The following SCFD2 variants were observed in gnomAD, a reference collection of about 807,000 sequenced individuals.
The protein encoded by SCFD2 is sec1 family domain-containing protein 2.
SCFD2 carries 54 observed loss-of-function variants against 58.9 expected under a neutral mutation model. The observed-to-expected ratio is 0.92, with a 90% CI of 0.74 to 1.15. The LOEUF is 1.15. SCFD2 is among the 50% of genes most tolerant of loss of function. The pLI, the probability that SCFD2 is intolerant of heterozygous loss-of-function variation, is 0.00. For synonymous variants in SCFD2, 321 were observed against 335.9 expected (o/e 0.96, Z 0.49); for missense variants, 805 against 836.6 (o/e 0.96, Z 0.47).
intron 5 of SCFD2, among the ~76,000 whole-genome samples, chr4:53,071,531 AATC>A (rs1358135562): frequency 1.3e-5 from 2 of 152,110 alleles, no homozygotes; most frequent in Non-Finnish European, 2.9e-5. Flanking sequence ...TAATCTTCAC[AATC>A]ATCACAGAAA....
At chr4:52,990,976 G>A (rs946021798) in intron 5 of SCFD2, among the ~76,000 whole-genome samples, 1 of 152,174 alleles carries the variant, frequency 6.6e-6, no homozygotes, top group African/African-American at 2.4e-5. Flanking sequence ...GGCTGTAGGT[G>A]GACAATGTGA....
chr4:53,008,335 C>T (rs1360761511), intron 5 of SCFD2, among the ~76,000 whole-genome samples: 7 of 152,118 alleles, frequency 4.6e-5, no homozygotes, highest in Non-Finnish European at 8.8e-5. Flanking sequence ...TGACACCCCC[C>T]CTTCCCCTCT....
chr4:53,051,978 A>AG (rs1723201067), intron 5 of SCFD2, among the ~76,000 whole-genome samples: 1 of 152,186 alleles, frequency 6.6e-6, no homozygotes, highest in African/African-American at 2.4e-5. Context: ...AAGAGCCCAA[A>AG]CCTACAGGTC....
At chr4:52,936,115 G>A (rs1720131583) in intron 5 of SCFD2, among the ~76,000 whole-genome samples, 1 of 152,148 alleles carries the variant, frequency 6.6e-6, no homozygotes, top group Non-Finnish European at 1.5e-5. Context: ...GGGATTACAG[G>A]TGTGAGCCAC....
At chr4:53,350,112 G>A (rs1734170334) in intron 2 of SCFD2, among the ~76,000 whole-genome samples, 1 of 152,186 alleles carries the variant, frequency 6.6e-6, no homozygotes, top group African/African-American at 2.4e-5. Context: ...CTCTGTAAGT[G>A]TGTGCTATTA....
chr4:53,226,719 C>T (rs78856304), intron 4 of SCFD2, among the ~76,000 whole-genome samples: 20,007 of 151,894 alleles, frequency 0.13, 1,452 homozygotes, highest in East Asian at 0.23. Flanking sequence ...TTAGGGTGAT[C>T]AGTGCAAGAG....
chr4:52,941,955 T>C (rs1231154390), intron 5 of SCFD2, among the ~76,000 whole-genome samples: 2 of 152,208 alleles, frequency 1.3e-5, no homozygotes, highest in Admixed American at 1.3e-4. Flanking sequence ...TTCCTTTGAG[T>C]ATCATGCCAG....
intron 4 of SCFD2, among the ~76,000 whole-genome samples, chr4:53,264,280 G>A (rs1370493790): frequency 1.3e-5 from 2 of 152,212 alleles, no homozygotes; most frequent in Non-Finnish European, 2.9e-5. Flanking sequence ...GGAGCCTGCA[G>A]TAGTGATCCA....
intron 3 of SCFD2, among the ~76,000 whole-genome samples, chr4:53,299,186 A>C (rs1732168799): frequency 6.6e-6 from 1 of 152,194 alleles, no homozygotes; most frequent in Non-Finnish European, 1.5e-5. Flanking sequence ...CAAAGAAGTT[A>C]AAAACTTTGA....
intron 3 of SCFD2, among the ~76,000 whole-genome samples, chr4:53,282,155 T>C (rs1731527254): frequency 6.6e-6 from 1 of 152,216 alleles, no homozygotes; most frequent in Non-Finnish European, 1.5e-5. Context: ...GCAGGTTTGT[T>C]ATGAGGTTAA....
rs116138564 is a variant in SCFD2, at chr4:53,035,332, G to T, written c.1561+110001C>A. Among the ~76,000 whole-genome samples the T allele has an allele frequency of 8.7e-3, 1,324 of 152,166 alleles. 14 individuals are homozygous for T. The highest frequency in any genetic ancestry group is 0.031 in the African/African-American group (1,267 of 41,498). Reference sequence around the variant, plus strand: ...CTTAAGCAAAAATTAACTCAAGATGGATCAAAGACCTAAACATAAGACCTA... The same window carrying T: ...CTTAAGCAAAAATTAACTCAAGATGTATCAAAGACCTAAACATAAGACCTA... On this transcript the variant is annotated intron_variant, in intron 5 of 8. Transcript: ENST00000401642.
intron 4 of SCFD2, among the ~76,000 whole-genome samples, chr4:53,239,136 A>G (rs1729797758): frequency 6.6e-6 from 1 of 150,918 alleles, no homozygotes; most frequent in African/African-American, 2.4e-5. Context: ...AGGCTGGTGG[A>G]TCACGTGCGG....
intron 5 of SCFD2, among the ~76,000 whole-genome samples, chr4:53,005,335 ACTG>A (rs2148803127): frequency 6.6e-6 from 1 of 152,282 alleles, no homozygotes; most frequent in Admixed American, 6.5e-5. Context: ...GTAACCCACC[ACTG>A]CTGATCTCTG....
At chr4:53,139,917 T>G (rs1405737182) in intron 5 of SCFD2, among the ~76,000 whole-genome samples, 1 of 152,254 alleles carries the variant, frequency 6.6e-6, no homozygotes, top group South Asian at 2.1e-4. Context: ...CCCAACCCCC[T>G]GCTCTCTGAA....
chr4:53,078,694 A>C (rs1195593751), intron 5 of SCFD2, among the ~76,000 whole-genome samples: 1 of 152,192 alleles, frequency 6.6e-6, no homozygotes, highest in African/African-American at 2.4e-5. Context: ...AGGTTAAATA[A>C]CTTGCCCAGT....
At chr4:53,339,164 T>C (rs1733781530) in intron 2 of SCFD2, among the ~76,000 whole-genome samples, 3 of 152,082 alleles carry the variant, frequency 2.0e-5, no homozygotes. Flanking sequence ...ACAAAACTTA[T>C]ACTCAAATGT....
At chr4:53,096,310 T>C (rs1046995390) in intron 5 of SCFD2, among the ~76,000 whole-genome samples, 2 of 152,212 alleles carry the variant, frequency 1.3e-5, no homozygotes, top group Non-Finnish European at 2.9e-5. Context: ...TCCACAATGG[T>C]TGAACTAGTT....
intron 5 of SCFD2, among the ~76,000 whole-genome samples, chr4:53,078,039 C>G (rs1235074107): frequency 5.9e-5 from 9 of 152,142 alleles, no homozygotes; most frequent in Non-Finnish European, 1.3e-4. Context: ...CATCATAAGA[C>G]TTTGTTGATT....
intron 4 of SCFD2, among the ~76,000 whole-genome samples, chr4:53,219,913 C>T (rs771771220): frequency 2.6e-5 from 4 of 152,206 alleles, no homozygotes; most frequent in Admixed American, 6.5e-5. Flanking sequence ...GCCTAAGAAT[C>T]TGCCCAGTCA....
Sources: gnomAD v4.1 joint callset for allele counts (sites outside exome capture counted in the v4.1 genomes callset) on GRCh38, gnomAD v4.1.1 for gene constraint, MANE v1.5 for transcripts, NCBI Gene and HGNC (gene_info 2026-07-23, HGNC 2026-07-21) for gene names.